Variants in CHSY3 observed in about 807,000 individuals in gnomAD.
CHSY3 encodes N-acetylgalactosaminyl-proteoglycan 3-beta-glucuronosyltransferase 3.
CHSY3 carries 35 observed loss-of-function variants against 67.2 expected under a neutral mutation model. The ratio of observed to expected loss-of-function variants is 0.52; its 90% CI spans 0.40 to 0.69. The LOEUF (loss-of-function observed/expected upper bound fraction) is 0.69, where lower values mean the gene tolerates loss of function less well. Among genes scored for constraint, CHSY3 ranks in the 30% least tolerant of loss-of-function variants. The pLI is 0.00. For missense variants in CHSY3, 1,069 were observed against 1,138.5 expected, an observed-to-expected ratio of 0.94 and a Z score of 0.88; for synonymous variants, 474 against 434.7, an observed-to-expected ratio of 1.09 and a Z score of -1.12.
chr5:130,037,557 A>G (rs916665823), intron 2 of CHSY3, among the ~76,000 whole-genome samples: 5 of 152,134 alleles, frequency 3.3e-5, no homozygotes, highest in African/African-American at 1.2e-4. Context: ...CTATGGCCTG[A>G]CTGTTCCACT....
At chr5:130,088,166 T>C (rs1427909156) in intron 2 of CHSY3, among the ~76,000 whole-genome samples, 2 of 152,122 alleles carry the variant, frequency 1.3e-5, no homozygotes, top group South Asian at 2.1e-4. Flanking sequence ...GCTAGCCATA[T>C]GTAGAAAGCT....
chr5:130,069,042 A>G (rs1425567070), intron 2 of CHSY3, among the ~76,000 whole-genome samples: 1 of 152,118 alleles, frequency 6.6e-6, no homozygotes, highest in Non-Finnish European at 1.5e-5. Context: ...CATATTTTCT[A>G]ATAGGTTACC....
intron 2 of CHSY3, among the ~76,000 whole-genome samples, chr5:129,999,044 TTTTTAAAAATG>T (rs1763637002): frequency 6.6e-6 from 1 of 152,008 alleles, no homozygotes; most frequent in African/African-American, 2.4e-5. Flanking sequence ...ATATTACAAG[TTTTTAAAAATG>T]TTTAAAACCC....
At chr5:130,172,732 C>T (rs868598128) in intron 2 of CHSY3, among the ~76,000 whole-genome samples, 1 of 152,112 alleles carries the variant, frequency 6.6e-6, no homozygotes, top group African/African-American at 2.4e-5. Context: ...ACTGAAACTC[C>T]GTGCCTGAAC....
At chr5:130,124,737 C>T (rs1469717654) in intron 2 of CHSY3, among the ~76,000 whole-genome samples, 7 of 152,142 alleles carry the variant, frequency 4.6e-5, no homozygotes, top group Admixed American at 6.5e-5. Context: ...GGATTACAGG[C>T]GTGAGCCACT....
chr5:130,063,831 T>G (rs1011971468), intron 2 of CHSY3, among the ~76,000 whole-genome samples: 3 of 152,128 alleles, frequency 2.0e-5, no homozygotes, highest in African/African-American at 7.2e-5. Flanking sequence ...GCCTCTTTTA[T>G]CTGGGTCTTA....
chr5:129,957,240 T>C (rs1762203220), intron 2 of CHSY3, among the ~76,000 whole-genome samples: 1 of 152,104 alleles, frequency 6.6e-6, no homozygotes, highest in South Asian at 2.1e-4. Context: ...GTGAATGGGA[T>C]TGTGTTCCTG....
chr5:129,911,523 A>G (rs1354231251), intron 2 of CHSY3, among the ~76,000 whole-genome samples: 1 of 152,228 alleles, frequency 6.6e-6, no homozygotes, highest in Admixed American at 6.5e-5. Flanking sequence ...TCTGTCACAT[A>G]GTAAATTTTC....
intron 2 of CHSY3, among the ~76,000 whole-genome samples, chr5:130,108,273 C>T (rs1767475777): frequency 6.6e-6 from 1 of 151,500 alleles, no homozygotes; most frequent in African/African-American, 2.4e-5. Flanking sequence ...AAACATCAAG[C>T]TCATATTGGC....
chr5:130,021,007 A>T (rs769212170), intron 2 of CHSY3, among the ~76,000 whole-genome samples: 3 of 152,198 alleles, frequency 2.0e-5, no homozygotes, highest in Non-Finnish European at 2.9e-5. Flanking sequence ...CAAATGTCCA[A>T]GTACATTTGC....
chr5:129,931,372 T>C (rs1761303083), intron 2 of CHSY3, among the ~76,000 whole-genome samples: 1 of 152,212 alleles, frequency 6.6e-6, no homozygotes, highest in Admixed American at 6.5e-5. Flanking sequence ...TGATAAGTTA[T>C]ACGTGGGCTT....
At chr5:129,995,119 A>T (rs1309991450) in intron 2 of CHSY3, among the ~76,000 whole-genome samples, 1 of 152,120 alleles carries the variant, frequency 6.6e-6, no homozygotes, top group Admixed American at 6.6e-5. Context: ...TTTATATTAA[A>T]GTTTTATCCA....
intron 2 of CHSY3, 60 bp downstream of exon 2, chr5:129,908,420 C>A (rs1373038471): frequency 2.5e-6 from 4 of 1,571,348 alleles, no homozygotes; most frequent in Non-Finnish European, 2.6e-6. Flanking sequence ...ATTTTATAAT[C>A]TAGGGCAGCG....
At chr5:130,091,132 A>ACACACACG (rs1256894841) in intron 2 of CHSY3, among the ~76,000 whole-genome samples, 21 of 116,608 alleles carry the variant, frequency 1.8e-4, no homozygotes, top group African/African-American at 6.4e-4. Context: ...ACACACACAC[A>ACACACACG]CACGCACACG....
At chr5:130,035,926 A>C (rs1337939728) in intron 2 of CHSY3, among the ~76,000 whole-genome samples, 1 of 136,526 alleles carries the variant, frequency 7.3e-6, no homozygotes, top group Non-Finnish European at 1.5e-5. Flanking sequence ...GTTGCTTTAG[A>C]AAGTAGTTCA....
rs574849329 is a variant in CHSY3, at chr5:130,177,068, A to G, written c.1087-7161A>G. 1.3e-3 allele frequency among the ~76,000 whole-genome samples: 201 copies of G among 152,144 alleles called. 1 individual carries two copies. Among genetic ancestry groups the G allele is most frequent in the African/African-American group, 4.7e-3 (196 of 41,522 alleles). Reference sequence around the variant, plus strand: ...TGTTTTTTCTTCATCTTTCAGTTTTAGTCATTTTCTATTGACTTAGTTAAC... The same window carrying G: ...TGTTTTTTCTTCATCTTTCAGTTTTGGTCATTTTCTATTGACTTAGTTAAC... On this transcript the variant is annotated intron_variant, in intron 2 of 2. Transcript: ENST00000305031.
At chr5:130,142,916 A>C (rs757374802) in intron 2 of CHSY3, among the ~76,000 whole-genome samples, 1 of 152,318 alleles carries the variant, frequency 6.6e-6, no homozygotes, top group Non-Finnish European at 1.5e-5. Flanking sequence ...AGGAGGAGCG[A>C]GCCAGAGGAA....
intron 2 of CHSY3, among the ~76,000 whole-genome samples, chr5:129,956,622 C>G (rs1369305686): frequency 1.3e-5 from 2 of 151,938 alleles, no homozygotes; most frequent in Non-Finnish European, 1.5e-5. Context: ...ATCGTGAAAT[C>G]TTGAATTGAT....
chr5:130,128,254 G>GTGTGTGTGCA (rs57161272), intron 2 of CHSY3, among the ~76,000 whole-genome samples: 1 of 134,662 alleles, frequency 7.4e-6, no homozygotes, highest in South Asian at 3.5e-4. Flanking sequence ...GTGTGTGTGT[G>GTGTGTGTGCA]CGCTCACATG....
Sources: allele counts gnomAD v4.1 joint callset (sites outside exome capture counted in the v4.1 genomes callset), GRCh38; gene constraint gnomAD v4.1.1; transcripts MANE v1.5; gene names NCBI Gene and HGNC (gene_info 2026-07-23, HGNC 2026-07-21).